Variants in GALNTL6 observed in about 807,000 individuals in gnomAD.
The protein encoded by GALNTL6 is polypeptide N-acetylgalactosaminyltransferase like 6.
GALNTL6 carries 46 observed loss-of-function variants against 73.7 expected under a neutral mutation model. The ratio of observed to expected loss-of-function variants is 0.62; its 90% CI spans 0.49 to 0.80. The LOEUF (loss-of-function observed/expected upper bound fraction) is 0.80, where lower values mean the gene tolerates loss of function less well. Among genes scored for constraint, GALNTL6 ranks in the 30% least tolerant of loss-of-function variants. The probability of loss-of-function intolerance (pLI) is 0.00; values close to 1 mark genes in which losing one functional copy is unlikely to be tolerated. For missense variants in GALNTL6, 604 were observed against 755.0 expected (o/e 0.80, Z 2.34); for synonymous variants, 259 against 263.7 (o/e 0.98, Z 0.17).
In GALNTL6 at chr4:172,230,173, C is replaced by T. The variant is rs768748192; in HGVS notation, c.247+409C>T. On this transcript the variant is annotated intron_variant, in intron 3 of 12. Transcript: ENST00000506823. Reference sequence around the variant, plus strand: ...TTGTACCAATGTTTCTAGACACTGGCGGGACGTACAGCAAGCCAGCAGGTC... The same window carrying T: ...TTGTACCAATGTTTCTAGACACTGGTGGGACGTACAGCAAGCCAGCAGGTC... Among the ~76,000 whole-genome samples, 6 of 152,014 alleles carry T rather than the reference C, an allele frequency of 3.9e-5. No homozygotes were observed. The South Asian group carries it at 6.2e-4, about 16-fold the overall frequency.
chr4:172,363,676 T>C (rs1742456707), intron 5 of GALNTL6, among the ~76,000 whole-genome samples: 1 of 152,190 alleles, frequency 6.6e-6, no homozygotes, highest in South Asian at 2.1e-4. Flanking sequence ...AGAAGGGAAG[T>C]ACCTGGGTCA....
chr4:172,532,992 A>G (rs942300471), intron 5 of GALNTL6, among the ~76,000 whole-genome samples: 2 of 151,258 alleles, frequency 1.3e-5, no homozygotes, highest in East Asian at 3.9e-4. Flanking sequence ...ATCACTGTTT[A>G]AAAACATTAC....
intron 5 of GALNTL6, among the ~76,000 whole-genome samples, chr4:172,479,198 A>T (rs1323318407): frequency 6.6e-6 from 1 of 152,210 alleles, no homozygotes; most frequent in Non-Finnish European, 1.5e-5. Flanking sequence ...ACTGTATTAA[A>T]AAAAGACACC....
At chr4:171,827,860 T>C (rs953942068) in intron 2 of GALNTL6, among the ~76,000 whole-genome samples, 2 of 152,186 alleles carry the variant, frequency 1.3e-5, no homozygotes, top group East Asian at 3.9e-4. Flanking sequence ...TACCTGTGGA[T>C]TTTTTTCAAT....
At chr4:172,491,579 A>AAGT (rs1293118575) in intron 5 of GALNTL6, among the ~76,000 whole-genome samples, 1 of 152,064 alleles carries the variant, frequency 6.6e-6, no homozygotes, top group Non-Finnish European at 1.5e-5. Context: ...CTTGAGTATG[A>AAGT]AGTTTACCAG....
rs533331102 is a variant in GALNTL6 at position 172,330,594 on chromosome 4, C to G, written c.387-17929C>G. ...CCCACACTAGCAGCTTCTAGTCAGC[C>G]ATCTTGGCCAGCTCCCAACATCGTT... On this transcript the variant is annotated intron_variant, in intron 4 of 12. Coordinates refer to ENST00000506823, the MANE Select transcript of GALNTL6 (RefSeq NM_001034845.3). Among the ~76,000 whole-genome samples the G allele has an allele frequency of 7.2e-5, 11 of 152,316 alleles. No individual in the cohort carries two copies. The East Asian group carries it at 2.1e-3, about 29-fold the overall frequency.
intron 5 of GALNTL6, among the ~76,000 whole-genome samples, chr4:172,457,033 G>C (rs1047172618): frequency 6.6e-6 from 1 of 152,140 alleles, no homozygotes; most frequent in African/African-American, 2.4e-5. Context: ...CCAGAAGAGA[G>C]TGGGGGCCAA....
chr4:172,761,348 A>G (rs1483822248), intron 5 of GALNTL6, among the ~76,000 whole-genome samples: 1 of 152,206 alleles, frequency 6.6e-6, no homozygotes, highest in Admixed American at 6.5e-5. Flanking sequence ...TTAGGGACCA[A>G]TTTAAAGTAA....
intron 5 of GALNTL6, among the ~76,000 whole-genome samples, chr4:172,421,299 C>A (rs911483888): frequency 6.6e-6 from 1 of 152,060 alleles, no homozygotes; most frequent in Non-Finnish European, 1.5e-5. Flanking sequence ...TCATAATTTA[C>A]ACCACAGAAG....
chr4:172,209,456 AAAT>A (rs1436322320), intron 2 of GALNTL6, among the ~76,000 whole-genome samples: 2 of 151,914 alleles, frequency 1.3e-5, no homozygotes, highest in Non-Finnish European at 2.9e-5. Context: ...AAAAAAAAAA[AAAT>A]GATGTACCTC....
intron 2 of GALNTL6, among the ~76,000 whole-genome samples, chr4:171,868,362 C>T (rs1038937558): frequency 2.8e-5 from 4 of 144,448 alleles, no homozygotes; most frequent in South Asian, 2.3e-4. Context: ...GATTTTGATT[C>T]GCGTCTGTAA....
chr4:172,668,693 CTT>C (rs1298094736), intron 5 of GALNTL6: 1 of 152,088 alleles, frequency 6.6e-6, no homozygotes, highest in Non-Finnish European at 1.5e-5. Flanking sequence ...CCTCTTTTCT[CTT>C]TTGATATTAG....
At chr4:172,957,303 C>T (rs1416743534) in intron 10 of GALNTL6, among the ~76,000 whole-genome samples, 1 of 152,052 alleles carries the variant, frequency 6.6e-6, no homozygotes, top group African/African-American at 2.4e-5. Flanking sequence ...TGGCTTGTAA[C>T]CTACATGGAA....
At chr4:172,691,021 G>A (rs888704652) in intron 5 of GALNTL6, among the ~76,000 whole-genome samples, 4 of 152,158 alleles carry the variant, frequency 2.6e-5, no homozygotes, top group African/African-American at 9.7e-5. Flanking sequence ...CAACATTAAA[G>A]ACCAAACATT....
chr4:172,246,383 A>AT (rs1438887050), intron 3 of GALNTL6, among the ~76,000 whole-genome samples: 3 of 152,140 alleles, frequency 2.0e-5, no homozygotes, highest in Admixed American at 1.3e-4. Context: ...TATGCATAGA[A>AT]TTTTTTTGTT....
chr4:172,160,891 GACAC>G (rs770975013), intron 2 of GALNTL6, among the ~76,000 whole-genome samples: 6 of 110,912 alleles, frequency 5.4e-5, no homozygotes, highest in South Asian at 5.0e-4. Flanking sequence ...TATATATATA[GACAC>G]ACACACACAC....
At chr4:172,217,080 A>C (rs1274785296) in intron 2 of GALNTL6, among the ~76,000 whole-genome samples, 1 of 152,198 alleles carries the variant, frequency 6.6e-6, no homozygotes, top group East Asian at 1.9e-4. Flanking sequence ...TTGAAATCTT[A>C]TTGTGGCTGC....
chr4:172,601,641 G>T (rs1283299050), intron 5 of GALNTL6, among the ~76,000 whole-genome samples: 1 of 151,992 alleles, frequency 6.6e-6, no homozygotes, highest in Non-Finnish European at 1.5e-5. Context: ...TTCCCAGACT[G>T]CAGAATTATG....
At chr4:172,987,870 C>G (rs936835802) in intron 10 of GALNTL6, among the ~76,000 whole-genome samples, 6 of 152,144 alleles carry the variant, frequency 3.9e-5, no homozygotes, top group Admixed American at 3.3e-4. Context: ...ACTACAATTC[C>G]TACAATACTA....
Sources: allele counts gnomAD v4.1 joint callset (sites outside exome capture counted in the v4.1 genomes callset), GRCh38; gene constraint gnomAD v4.1.1; transcripts MANE v1.5; gene names NCBI Gene and HGNC (gene_info 2026-07-23, HGNC 2026-07-21).